Variants in SUSD3 observed in about 807,000 individuals in gnomAD.
The protein encoded by SUSD3 is sushi domain-containing protein 3.
In SUSD3, 18 loss-of-function variants were observed where a neutral mutation model predicts 20.6. That is an observed-to-expected ratio of 0.87 (90% CI 0.60 to 1.30). SUSD3 has a LOEUF of 1.30. Ranked by LOEUF, SUSD3 falls within the 50% of genes most tolerant of loss-of-function variation. SUSD3 has a pLI of 0.00. For missense variants in SUSD3, 306 were observed against 346.9 expected, an observed-to-expected ratio of 0.88 and a Z score of 0.94; for synonymous variants, 137 against 141.5, an observed-to-expected ratio of 0.97 and a Z score of 0.23.
At chr9:93,071,501 T>A (rs1355113328) in intron 1 of SUSD3, among the ~76,000 whole-genome samples, 1 of 152,200 alleles carries the variant, frequency 6.6e-6, no homozygotes, top group Non-Finnish European at 1.5e-5. Flanking sequence ...TCTGCCTGCT[T>A]TTATTCTAGC....
chr9:93,073,578 C>T (rs528429215), intron 1 of SUSD3, among the ~76,000 whole-genome samples: 21 of 152,230 alleles, frequency 1.4e-4, no homozygotes, highest in Middle Eastern at 6.8e-3. Context: ...GATGCACCAG[C>T]GGTCCACTGT....
intron 1 of SUSD3, among the ~76,000 whole-genome samples, chr9:93,072,747 G>A (rs1253081324): frequency 6.6e-6 from 1 of 152,240 alleles, no homozygotes; most frequent in African/African-American, 2.4e-5. Flanking sequence ...TACCGCAGAT[G>A]TCTTTGGTAA....
chr9:93,069,039 T>C (rs185405100), intron 1 of SUSD3: 148 of 698,362 alleles, frequency 2.1e-4, no homozygotes, highest in Non-Finnish European at 3.6e-4. Context: ...TAATAGACGG[T>C]ACTCACCCTT....
chr9:93,078,116 C>A, intron 3 of SUSD3, 123 bp downstream of exon 3: 1 of 1,335,504 alleles, frequency 7.5e-7, no homozygotes, highest in Non-Finnish European at 1.0e-6. Context: ...GTTCCTACCA[C>A]TGCTGCTCTG....
At chr9:93,061,189 G>A (rs1825492793) in intron 1 of SUSD3, among the ~76,000 whole-genome samples, 1 of 152,246 alleles carries the variant, frequency 6.6e-6, no homozygotes, top group South Asian at 2.1e-4. Context: ...CCGTGGAAGG[G>A]CCTTGGAGGA....
intron 4 of SUSD3, among the ~76,000 whole-genome samples, chr9:93,081,483 T>C (rs1172053674): frequency 1.3e-5 from 2 of 152,158 alleles, no homozygotes; most frequent in Admixed American, 1.3e-4. Flanking sequence ...GTTGTTGAGG[T>C]TACCTGAGTC....
At chr9:93,065,122 C>T (rs909609689) in intron 1 of SUSD3, among the ~76,000 whole-genome samples, 2 of 152,156 alleles carry the variant, frequency 1.3e-5, no homozygotes, top group Admixed American at 6.5e-5. Context: ...GGGATGTGCC[C>T]AGGGGATCAG....
rs754692898 is a variant in SUSD3 at position 93,079,610 on chromosome 9, C to T, written c.557+8C>T. 24 of 1,613,136 alleles carry T rather than the reference C, an allele frequency of 1.5e-5. 1 individual carries two copies. The highest frequency in any genetic ancestry group is 5.5e-5 in the South Asian group (5 of 91,026). On this transcript the variant is annotated splice_region_variant and intron_variant, in intron 4 of 4. Transcript: ENST00000375472. ...CAACCACAGCTTCACCACGTGAGCC[C>T]GGGTCTGGGTAGGGGACATGCTGGG...
In SUSD3 at chr9:93,077,961, C is replaced by T. The variant is rs149186318; in HGVS notation, c.393C>T (p.Cys131=). 31 of 1,614,212 alleles carry T rather than the reference C, an allele frequency of 1.9e-5. No individual in the cohort carries two copies. The highest frequency in any genetic ancestry group is 2.4e-5 in the Non-Finnish European group (28 of 1,180,046). Residue 131 remains cysteine (C), a synonymous_variant, in exon 3 of 5, where the codon TGC becomes TGT. Transcript: ENST00000375472. ...TCCTCACCTGCTGCCTCCTCAAGTG[C>T]GTGAAGAAGAGCAAGCGGCGGCGCT... The part of the protein sequence containing the change: ...MAFLTCCLLK[C]VKKSKRRRSN...
At chr9:93,073,149 C>T (rs1825977501) in intron 1 of SUSD3, among the ~76,000 whole-genome samples, 1 of 152,098 alleles carries the variant, frequency 6.6e-6, no homozygotes, top group Non-Finnish European at 1.5e-5. Context: ...GGGAGACAGG[C>T]ACAGAGATGC....
intron 1 of SUSD3, among the ~76,000 whole-genome samples, chr9:93,075,111 A>G (rs1041576029): frequency 2.0e-5 from 3 of 152,000 alleles, no homozygotes; most frequent in African/African-American, 7.2e-5. Context: ...TTGAATCAAC[A>G]TTTCCTCAAT....
chr9:93,075,440 G>A (rs962890002), intron 1 of SUSD3, among the ~76,000 whole-genome samples: 15 of 67,408 alleles, frequency 2.2e-4, no homozygotes, highest in Non-Finnish European at 4.5e-4. Flanking sequence ...TTTTTGTTCT[G>A]ATTTCTGCCT....
At chr9:93,068,721 TAG>T (rs1296145802) in intron 1 of SUSD3, among the ~76,000 whole-genome samples, 2 of 152,226 alleles carry the variant, frequency 1.3e-5, no homozygotes, top group Non-Finnish European at 2.9e-5. Flanking sequence ...TGGATTCTGA[TAG>T]AGATTTTGTT....
At chr9:93,083,158 C>G (rs1404136650) in intron 4 of SUSD3, among the ~76,000 whole-genome samples, 1 of 152,178 alleles carries the variant, frequency 6.6e-6, no homozygotes, top group African/African-American at 2.4e-5. Flanking sequence ...TGACAGTCAG[C>G]TCAAGAGGCA....
At chr9:93,075,540 C>T (rs532005527) in intron 1 of SUSD3, among the ~76,000 whole-genome samples, 1 of 147,838 alleles carries the variant, frequency 6.8e-6, no homozygotes, top group South Asian at 2.2e-4. Context: ...ACACTTATTT[C>T]TTTTTTTAAT....
At chr9:93,069,747 G>C (rs1825842865) in intron 1 of SUSD3, among the ~76,000 whole-genome samples, 1 of 151,574 alleles carries the variant, frequency 6.6e-6, no homozygotes, top group Non-Finnish European at 1.5e-5. Context: ...ACGAAATCAT[G>C]TCATCTAATG....
chr9:93,071,354 G>C (rs560074577), intron 1 of SUSD3, among the ~76,000 whole-genome samples: 1 of 152,236 alleles, frequency 6.6e-6, no homozygotes, highest in Admixed American at 6.5e-5. Flanking sequence ...CCCGACAGCC[G>C]TTGGCAAGCC....
chr9:93,067,589 A>G (rs1181649609), intron 1 of SUSD3, among the ~76,000 whole-genome samples: 2 of 149,184 alleles, frequency 1.3e-5, no homozygotes, highest in Non-Finnish European at 3.0e-5. Flanking sequence ...AACACTTCGT[A>G]TTGTCTGTCT....
chr9:93,076,057 G>T (rs1826147885), intron 2 of SUSD3, 85 bp downstream of exon 2: 2 of 1,240,636 alleles, frequency 1.6e-6, no homozygotes, highest in Admixed American at 4.5e-5. Context: ...GGTGGGGATG[G>T]CGTGGGTGTC....
Sources: allele counts gnomAD v4.1 joint callset (sites outside exome capture counted in the v4.1 genomes callset), GRCh38; gene constraint gnomAD v4.1.1; transcripts MANE v1.5; gene names NCBI Gene and HGNC (gene_info 2026-07-23, HGNC 2026-07-21).